The following DIAPH3 variants were observed in gnomAD, a reference collection of about 807,000 sequenced individuals.
DIAPH3 encodes diaphanous related formin 3, also known as protein diaphanous homolog 3.
A neutral mutation model predicts 144.3 loss-of-function variants in DIAPH3; 117 were observed. The observed-to-expected ratio is 0.81, with a 90% CI of 0.70 to 0.95. The LOEUF is 0.95. Among genes scored for constraint, DIAPH3 ranks in the 40% least tolerant of loss-of-function variants. DIAPH3 has a pLI of 0.00. For synonymous variants in DIAPH3, 519 were observed against 488.9 expected, an observed-to-expected ratio of 1.06 and a Z score of -0.81; for missense variants, 1,421 against 1,412.7, an observed-to-expected ratio of 1.01 and a Z score of -0.09.
chr13:60,093,349 C>G (rs2058011834), intron 4 of DIAPH3, among the ~76,000 whole-genome samples: 1 of 152,136 alleles, frequency 6.6e-6, no homozygotes, highest in Admixed American at 6.5e-5. Flanking sequence ...AAATCAATGA[C>G]TATATTAATT....
chr13:59,832,732 AC>A (rs2041841763), intron 24 of DIAPH3, among the ~76,000 whole-genome samples: 1 of 151,840 alleles, frequency 6.6e-6, no homozygotes, highest in South Asian at 2.1e-4. Context: ...AAAAAGCCTT[AC>A]AAAAGCTGCA....
chr13:59,863,618 C>T (rs2043735119), intron 21 of DIAPH3, among the ~76,000 whole-genome samples: 1 of 152,114 alleles, frequency 6.6e-6, no homozygotes, highest in Non-Finnish European at 1.5e-5. Flanking sequence ...GACAGCTTTA[C>T]TTTCACATCA....
At chr13:60,155,801 A>G (rs1952002496) in intron 1 of DIAPH3, among the ~76,000 whole-genome samples, 1 of 152,206 alleles carries the variant, frequency 6.6e-6, no homozygotes, top group South Asian at 2.1e-4. Flanking sequence ...AGAAACTATA[A>G]ATACAGAGTA....
rs553582312 is a variant in DIAPH3 at position 59,910,425 on chromosome 13, G to A, written c.2367+1310C>T. Among the ~76,000 whole-genome samples the A allele has an allele frequency of 6.8e-3, 1,038 of 152,172 alleles. 8 individuals carry two copies. Among genetic ancestry groups the A allele is most frequent in the Non-Finnish European group, 0.012 (809 of 67,982 alleles). On this transcript the variant is annotated intron_variant, in intron 20 of 27. Transcript: ENST00000400324. ...CTTTTTTTGTTTTCTTAAAGACAAC[G>A]AATTTAAAAGTTTTAGAAAAGGCCG...
intron 27 of DIAPH3, among the ~76,000 whole-genome samples, chr13:59,734,188 C>G (rs2036025703): frequency 6.6e-6 from 1 of 152,058 alleles, no homozygotes; most frequent in Non-Finnish European, 1.5e-5. Flanking sequence ...TATTATCTTC[C>G]TTTTTTGGCT....
At chr13:59,742,008 G>GA (rs2036479883) in intron 27 of DIAPH3, among the ~76,000 whole-genome samples, 1 of 152,122 alleles carries the variant, frequency 6.6e-6, no homozygotes, top group South Asian at 2.1e-4. Context: ...CACACGGCTG[G>GA]GGAGGCCTCC....
chr13:59,996,636 C>A (rs1412713124), intron 9 of DIAPH3, among the ~76,000 whole-genome samples: 1 of 151,728 alleles, frequency 6.6e-6, no homozygotes, highest in Non-Finnish European at 1.5e-5. Context: ...AAGAGTGGGA[C>A]AAAAGTCAGC....
At chr13:59,853,225 T>C (rs1011762307) in intron 22 of DIAPH3, among the ~76,000 whole-genome samples, 2 of 152,192 alleles carry the variant, frequency 1.3e-5, no homozygotes, top group Admixed American at 6.5e-5. Context: ...TATAATCTAA[T>C]TGCAAACACA....
intron 27 of DIAPH3, among the ~76,000 whole-genome samples, chr13:59,740,935 C>T (rs776507225): frequency 4.6e-5 from 7 of 152,040 alleles, no homozygotes; most frequent in Non-Finnish European, 7.4e-5. Context: ...GAATCTATGC[C>T]CAAGGCTGGG....
chr13:59,761,439 A>C (rs2037580656), intron 27 of DIAPH3, among the ~76,000 whole-genome samples: 1 of 152,234 alleles, frequency 6.6e-6, no homozygotes, highest in Non-Finnish European at 1.5e-5. Context: ...AAGTAAAAAA[A>C]AAATGTAGAG....
chr13:60,088,820 C>T (rs1397958151), intron 4 of DIAPH3, among the ~76,000 whole-genome samples: 2 of 152,154 alleles, frequency 1.3e-5, no homozygotes, highest in Non-Finnish European at 1.5e-5. Flanking sequence ...CAGGGTTTCA[C>T]CATGTTAGCC....
At chr13:59,884,135 T>C (rs1293381572) in intron 20 of DIAPH3, among the ~76,000 whole-genome samples, 1 of 152,106 alleles carries the variant, frequency 6.6e-6, no homozygotes, top group Middle Eastern at 3.2e-3. Flanking sequence ...GTAGTGACAT[T>C]AGATTCTCAT....
chr13:60,013,049 C>A, intron 7 of DIAPH3: 1 of 985,354 alleles, frequency 1.0e-6, no homozygotes, highest in South Asian at 4.7e-5. Flanking sequence ...GTCAACTTAC[C>A]AGTGCTCGGA....
rs371248128 is a variant in DIAPH3, at chr13:59,833,158, C to T, written c.2976G>A (p.Val992=). 77 of 1,610,822 alleles carry T rather than the reference C, an allele frequency of 4.8e-5. No homozygotes were observed. The highest frequency in any genetic ancestry group is 3.3e-4 in the Middle Eastern group (2 of 6,036). Residue 992 remains valine (V), a synonymous_variant, in exon 24 of 28, where the codon GTG becomes GTA. Transcript: ENST00000400324. ...IGYYAIDVKK[V]SVEDFLTDLN... is the part of the protein sequence containing the mutation. ...GGTCAGTAAGAAAGTCTTCCACAGA[C>T]ACCTTCTTCACATCAATGGCATAGT...
intron 27 of DIAPH3, among the ~76,000 whole-genome samples, chr13:59,749,993 A>G (rs1324930352): frequency 6.6e-6 from 1 of 152,200 alleles, no homozygotes; most frequent in Non-Finnish European, 1.5e-5. Flanking sequence ...GGAAAACAAA[A>G]TCACATTGAG....
intron 20 of DIAPH3, among the ~76,000 whole-genome samples, chr13:59,895,414 T>G (rs1444900967): frequency 1.4e-5 from 2 of 145,792 alleles, no homozygotes; most frequent in Non-Finnish European, 3.0e-5. Context: ...ATAGGAAACT[T>G]GATCCAATGT....
intron 1 of DIAPH3, among the ~76,000 whole-genome samples, chr13:60,152,927 T>C (rs1232825179): frequency 6.6e-6 from 1 of 152,162 alleles, no homozygotes; most frequent in African/African-American, 2.4e-5. Flanking sequence ...TCAAGTCATC[T>C]CTGGGTACCC....
chr13:59,692,816 G>C (rs2033605790), intron 27 of DIAPH3, among the ~76,000 whole-genome samples: 1 of 152,040 alleles, frequency 6.6e-6, no homozygotes, highest in Non-Finnish European at 1.5e-5. Flanking sequence ...TGCTCCCTGG[G>C]AGTTATTTTG....
intron 14 of DIAPH3, among the ~76,000 whole-genome samples, chr13:59,980,264 C>T (rs1313543384): frequency 6.6e-6 from 1 of 151,538 alleles, no homozygotes; most frequent in Non-Finnish European, 1.5e-5. Flanking sequence ...AATGAAGCAA[C>T]TTTAATCAAA....
Sources: allele counts gnomAD v4.1 joint callset (sites outside exome capture counted in the v4.1 genomes callset), GRCh38; gene constraint gnomAD v4.1.1; transcripts MANE v1.5; gene names NCBI Gene and HGNC (gene_info 2026-07-23, HGNC 2026-07-21).